Variants in SNTG1 observed in about 807,000 individuals in gnomAD.
SNTG1 encodes the protein gamma-1-syntrophin.
In SNTG1, 39 loss-of-function variants were observed where a neutral mutation model predicts 74.7. The observed-to-expected ratio is 0.52, with a 90% CI of 0.40 to 0.68. The LOEUF (loss-of-function observed/expected upper bound fraction) is 0.68, where lower values mean the gene tolerates loss of function less well. SNTG1 is among the 30% of genes least tolerant of loss of function. SNTG1 has a pLI of 0.00. For missense variants in SNTG1, 685 were observed against 609.5 expected, an observed-to-expected ratio of 1.12 and a Z score of -1.30; for synonymous variants, 254 against 217.1, an observed-to-expected ratio of 1.17 and a Z score of -1.49.
chr8:50,053,330 G>A (rs964853257), intron 1 of SNTG1, among the ~76,000 whole-genome samples: 1 of 151,988 alleles, frequency 6.6e-6, no homozygotes, highest in African/African-American at 2.4e-5. Context: ...AGTGAAATAA[G>A]TAAAAAAGAT....
chr8:50,675,207 T>C (rs567957305), intron 15 of SNTG1, among the ~76,000 whole-genome samples: 7 of 152,240 alleles, frequency 4.6e-5, no homozygotes, highest in South Asian at 4.1e-4. Context: ...TGAGTTCAAG[T>C]CCTGAATATC....
chr8:50,008,912 A>G (rs1020871449), intron 1 of SNTG1, among the ~76,000 whole-genome samples: 1 of 152,160 alleles, frequency 6.6e-6, no homozygotes, highest in Non-Finnish European at 1.5e-5. Flanking sequence ...GCATCTTGAC[A>G]TTTTTGCCCA....
At chr8:50,449,283 C>A (rs1049980681) in intron 5 of SNTG1, among the ~76,000 whole-genome samples, 8 of 152,134 alleles carry the variant, frequency 5.3e-5, no homozygotes, top group African/African-American at 1.7e-4. Flanking sequence ...ACTGCACCAC[C>A]AAAAGCCCTT....
intron 1 of SNTG1, among the ~76,000 whole-genome samples, chr8:50,058,229 T>C (rs1820189533): frequency 6.6e-6 from 1 of 152,156 alleles, no homozygotes. Flanking sequence ...ATGGAATAGA[T>C]AAATAATATT....
intron 1 of SNTG1, among the ~76,000 whole-genome samples, chr8:50,159,660 T>C (rs187372718): frequency 3.2e-4 from 49 of 152,326 alleles, no homozygotes; most frequent in African/African-American, 1.0e-3. Context: ...ATAGTAGTCA[T>C]TGTTTTGCAG....
chr8:50,263,845 C>A (rs749756037), intron 2 of SNTG1, among the ~76,000 whole-genome samples: 40 of 152,174 alleles, frequency 2.6e-4, no homozygotes, highest in Non-Finnish European at 5.4e-4. Flanking sequence ...CTAACCCCAA[C>A]AGACATGTGT....
At chr8:50,431,818 G>C (rs1055728713) in intron 4 of SNTG1, among the ~76,000 whole-genome samples, 3 of 152,052 alleles carry the variant, frequency 2.0e-5, no homozygotes, top group African/African-American at 7.2e-5. Context: ...CTTGCTATTT[G>C]CATATCTTTT....
At chr8:50,273,726 C>T (rs973212543) in intron 2 of SNTG1, among the ~76,000 whole-genome samples, 1 of 152,070 alleles carries the variant, frequency 6.6e-6, no homozygotes, top group Non-Finnish European at 1.5e-5. Context: ...TGACGAATAT[C>T]TTAAATTCTG....
intron 8 of SNTG1, among the ~76,000 whole-genome samples, chr8:50,479,657 G>A (rs2093724315): frequency 6.6e-6 from 1 of 151,962 alleles, no homozygotes; most frequent in Non-Finnish European, 1.5e-5. Context: ...TGCACTCACT[G>A]TGGAGTCTAG....
intron 2 of SNTG1, among the ~76,000 whole-genome samples, chr8:50,346,877 G>T (rs943290609): frequency 6.6e-6 from 1 of 152,240 alleles, no homozygotes; most frequent in African/African-American, 2.4e-5. Context: ...GCCGAGAGAG[G>T]TATGGAAGCT....
At chr8:50,789,149 C>G (rs913483243) in intron 18 of SNTG1, among the ~76,000 whole-genome samples, 3 of 151,838 alleles carry the variant, frequency 2.0e-5, no homozygotes, top group Non-Finnish European at 4.4e-5. Flanking sequence ...CATGCAGGCT[C>G]TCATGAAGCC....
chr8:50,092,181 C>A (rs2079764621), intron 1 of SNTG1, among the ~76,000 whole-genome samples: 1 of 151,644 alleles, frequency 6.6e-6, no homozygotes, highest in African/African-American at 2.4e-5. Flanking sequence ...GCTCCCCGTT[C>A]CTGGAAGGAG....
intron 6 of SNTG1, 130 bp downstream of exon 6, chr8:50,449,855 G>A: frequency 9.3e-6 from 7 of 755,162 alleles, no homozygotes; most frequent in East Asian, 3.0e-5. Context: ...TCAGGCATTA[G>A]TGGCTGAGTC....
chr8:50,394,071 C>T, intron 2 of SNTG1, 141 bp from the exon 3 acceptor site: 1 of 546,452 alleles, frequency 1.8e-6, no homozygotes, highest in African/African-American at 1.9e-5. Flanking sequence ...CTTCAGTATA[C>T]CCTGGAGCTC....
chr8:50,656,045 G>A (rs1284065031), intron 13 of SNTG1, among the ~76,000 whole-genome samples: 4 of 152,022 alleles, frequency 2.6e-5, no homozygotes, highest in African/African-American at 4.8e-5. Context: ...AAGGTCTCAT[G>A]AGCCAAAAAA....
intron 18 of SNTG1, among the ~76,000 whole-genome samples, chr8:50,766,205 T>C (rs182695221): frequency 5.9e-5 from 9 of 152,128 alleles, no homozygotes; most frequent in Admixed American, 5.2e-4. Flanking sequence ...CCCGAAAATA[T>C]TGAACAACAT....
At chr8:50,762,861 C>T (rs2095602916) in intron 18 of SNTG1, 1 of 330,334 alleles carries the variant, frequency 3.0e-6, no homozygotes. Flanking sequence ...AGACGTCACA[C>T]TCTATTGCCT....
At chr8:50,313,277 C>A (rs2090185416) in intron 2 of SNTG1, among the ~76,000 whole-genome samples, 1 of 149,686 alleles carries the variant, frequency 6.7e-6, no homozygotes, top group African/African-American at 2.5e-5. Context: ...GAATATGACA[C>A]CAAAAAGCAC....
intron 4 of SNTG1, among the ~76,000 whole-genome samples, chr8:50,416,911 G>A (rs2093021587): frequency 2.0e-5 from 3 of 152,090 alleles, no homozygotes; most frequent in Admixed American, 6.6e-5. Context: ...TAACACCTGA[G>A]TGACTGTGAC....
Sources: gnomAD v4.1 joint callset for allele counts (sites outside exome capture counted in the v4.1 genomes callset) on GRCh38, gnomAD v4.1.1 for gene constraint, MANE v1.5 for transcripts, NCBI Gene and HGNC (gene_info 2026-07-23, HGNC 2026-07-21) for gene names.